The following RUNX2 variants were observed in gnomAD, a reference collection of about 807,000 sequenced individuals.
RUNX2 encodes runt-related transcription factor 2.
In RUNX2, 10 loss-of-function variants were observed where a neutral mutation model predicts 51.7. The ratio of observed to expected loss-of-function variants is 0.19; its 90% confidence interval spans 0.12 to 0.33. RUNX2 has a LOEUF of 0.33. Ranked by LOEUF, RUNX2 falls within the 10% of genes least tolerant of loss-of-function variation. The probability of loss-of-function intolerance (pLI) is 1.00; values close to 1 mark genes in which losing one functional copy is unlikely to be tolerated. For missense variants in RUNX2, 562 were observed against 691.3 expected (o/e 0.81, Z 2.10); for synonymous variants, 276 against 273.6 (o/e 1.01, Z -0.09).
At chr6:45,534,411 C>T (rs999081360) in intron 7 of RUNX2, among the ~76,000 whole-genome samples, 1 of 152,046 alleles carries the variant, frequency 6.6e-6, no homozygotes, top group East Asian at 1.9e-4. Context: ...GAAGGTAAAA[C>T]CAAATGTATG....
At chr6:45,417,372 G>T (rs1221287505) in intron 2 of RUNX2, among the ~76,000 whole-genome samples, 1 of 152,124 alleles carries the variant, frequency 6.6e-6, no homozygotes, top group Non-Finnish European at 1.5e-5. Flanking sequence ...TAAGAAAATT[G>T]TTCTTAAGGA....
chr6:45,432,634 A>G (rs1454245230), intron 4 of RUNX2, among the ~76,000 whole-genome samples: 3 of 152,192 alleles, frequency 2.0e-5, no homozygotes, highest in Non-Finnish European at 4.4e-5. Context: ...GTTCCATACT[A>G]TGTAAGGATT....
chr6:45,521,145 T>C (rs1801496202), intron 7 of RUNX2, among the ~76,000 whole-genome samples: 1 of 152,022 alleles, frequency 6.6e-6, no homozygotes, highest in South Asian at 2.1e-4. Flanking sequence ...ACATGGTAGG[T>C]GCTTAAGAAT....
At chr6:45,331,104 GGT>G (rs143223149) in intron 2 of RUNX2, among the ~76,000 whole-genome samples, 27,252 of 149,548 alleles carry the variant, frequency 0.18, 3,054 homozygotes, top group Non-Finnish European at 0.26. Context: ...TACAATGAGT[GGT>G]GTGTGTGTGT....
At chr6:45,328,523 T>G in intron 1 of RUNX2, 63 bp downstream of exon 1, 2 of 1,562,122 alleles carry the variant, frequency 1.3e-6, no homozygotes, top group Non-Finnish European at 1.7e-6. Context: ...TTGCTCATTC[T>G]CTTTTTGTTT....
At chr6:45,375,254 A>G (rs1412871956) in intron 2 of RUNX2, among the ~76,000 whole-genome samples, 2 of 152,210 alleles carry the variant, frequency 1.3e-5, no homozygotes, top group Non-Finnish European at 2.9e-5. Context: ...TAATCATCCT[A>G]AAACTATATA....
chr6:45,495,093 A>C (rs1462638596), intron 6 of RUNX2, among the ~76,000 whole-genome samples: 1 of 152,150 alleles, frequency 6.6e-6, no homozygotes, highest in Non-Finnish European at 1.5e-5. Context: ...AAGTTCTGGA[A>C]CCTTCATCCA....
At chr6:45,445,352 A>C (rs2150376663) in intron 5 of RUNX2, among the ~76,000 whole-genome samples, 1 of 152,324 alleles carries the variant, frequency 6.6e-6, no homozygotes, top group Admixed American at 6.5e-5. Context: ...GAGATTGGTC[A>C]CATGTGAAAT....
intron 2 of RUNX2, among the ~76,000 whole-genome samples, chr6:45,378,383 G>C (rs1797108422): frequency 6.6e-6 from 1 of 152,184 alleles, no homozygotes; most frequent in African/African-American, 2.4e-5. Context: ...TGGAGTGAAC[G>C]GGATCTTAAT....
chr6:45,483,682 G>A (rs1296568407), intron 5 of RUNX2, among the ~76,000 whole-genome samples: 1 of 152,228 alleles, frequency 6.6e-6, no homozygotes, highest in Non-Finnish European at 1.5e-5. Flanking sequence ...AGCTTGCTGG[G>A]ATATAAATCA....
chr6:45,540,967 GA>G (rs1802206715), intron 7 of RUNX2, among the ~76,000 whole-genome samples: 1 of 152,188 alleles, frequency 6.6e-6, no homozygotes, highest in South Asian at 2.1e-4. Flanking sequence ...GAATAGCTTT[GA>G]ATGCTCTTTA....
intron 5 of RUNX2, among the ~76,000 whole-genome samples, chr6:45,486,352 T>A (rs1800281964): frequency 6.6e-6 from 1 of 152,200 alleles, no homozygotes; most frequent in African/African-American, 2.4e-5. Context: ...CAATACCTAG[T>A]GAGGCTTGCA....
chr6:45,536,376 C>T (rs868703618), intron 7 of RUNX2, among the ~76,000 whole-genome samples: 5 of 152,128 alleles, frequency 3.3e-5, no homozygotes, highest in Middle Eastern at 3.4e-3. Flanking sequence ...ACATGGATTG[C>T]GTTAGGCCTG....
chr6:45,373,890 T>G (rs1796429502), intron 2 of RUNX2, among the ~76,000 whole-genome samples: 1 of 152,174 alleles, frequency 6.6e-6, no homozygotes, highest in African/African-American at 2.4e-5. Flanking sequence ...AGAACTGTCT[T>G]CAGTAATAGT....
chr6:45,454,217 A>G (rs1398158097), intron 5 of RUNX2, among the ~76,000 whole-genome samples: 2 of 152,232 alleles, frequency 1.3e-5, no homozygotes, highest in East Asian at 3.8e-4. Context: ...CCAACCACTC[A>G]TTCTTGCTGA....
intron 2 of RUNX2, among the ~76,000 whole-genome samples, chr6:45,375,181 T>C (rs886377235): frequency 6.6e-6 from 1 of 152,222 alleles, no homozygotes; most frequent in African/African-American, 2.4e-5. Flanking sequence ...TACTCCAATC[T>C]GGGCAACAAG....
Position 45,352,812 on chromosome 6 carries a change from T to C in RUNX2, c.58+24028T>C, listed in dbSNP as rs192870177. Among the ~76,000 whole-genome samples the C allele has an allele frequency of 1.4e-4, 22 of 152,228 alleles. No individual in the cohort carries two copies. In the East Asian group the frequency reaches 3.3e-3, roughly 23 times the overall value. On this transcript the variant is annotated intron_variant, in intron 2 of 8. Coordinates refer to ENST00000647337, the MANE Select transcript of RUNX2 (RefSeq NM_001024630.4). ...TTTATTCTTTATTACTTATATTGCATAGATATCTACATATATATAATTCTA... is the reference window on the plus strand; with the variant it reads ...TTTATTCTTTATTACTTATATTGCACAGATATCTACATATATATAATTCTA...
intron 2 of RUNX2, among the ~76,000 whole-genome samples, chr6:45,419,665 G>A (rs1798137075): frequency 6.6e-6 from 1 of 152,214 alleles, no homozygotes; most frequent in Non-Finnish European, 1.5e-5. Flanking sequence ...ACGCGGCGGT[G>A]CCCGGGGTTA....
At chr6:45,385,738 A>G (rs370690438) in intron 2 of RUNX2, among the ~76,000 whole-genome samples, 1 of 152,200 alleles carries the variant, frequency 6.6e-6, no homozygotes. Flanking sequence ...CGTCTGTACT[A>G]AAAATACAGA....
Sources: allele counts gnomAD v4.1 joint callset (sites outside exome capture counted in the v4.1 genomes callset), GRCh38; gene constraint gnomAD v4.1.1; transcripts MANE v1.5; gene names NCBI Gene and HGNC (gene_info 2026-07-23, HGNC 2026-07-21).